MYO7B: variants seen among roughly 807,000 people sequenced by gnomAD.
MYO7B encodes the protein myosin VIIB, also known as unconventional myosin-VIIb.
In MYO7B, 212 loss-of-function variants were observed where a neutral mutation model predicts 259.7. The ratio of observed to expected loss-of-function variants is 0.82; its 90% CI spans 0.73 to 0.91. The LOEUF (loss-of-function observed/expected upper bound fraction) is 0.91, where lower values mean the gene tolerates loss of function less well. MYO7B is among the 40% of genes least tolerant of loss of function. MYO7B has a pLI of 0.00. For synonymous variants in MYO7B, 1,197 were observed against 1,166.4 expected (o/e 1.03, Z -0.54); for missense variants, 2,732 against 2,813.5 (o/e 0.97, Z 0.66).
At chr2:127,562,482 G>GTTTTTTTTTTTTTT (rs56290548) in intron 2 of MYO7B, among the ~76,000 whole-genome samples, 5 of 61,202 alleles carry the variant, frequency 8.2e-5, no homozygotes, top group South Asian at 8.3e-4. Context: ...GGGTTTTATT[G>GTTTTTTTTTTTTTT]TTTTTTTTTT....
chr2:127,600,582 C>T (rs901388344), intron 19 of MYO7B, among the ~76,000 whole-genome samples: 2 of 152,100 alleles, frequency 1.3e-5, no homozygotes, highest in Non-Finnish European at 2.9e-5. Context: ...TGGTGGCAGG[C>T]GCTTGTAATC....
chr2:127,582,796 T>C (rs975634309), intron 12 of MYO7B, among the ~76,000 whole-genome samples: 7 of 152,186 alleles, frequency 4.6e-5, no homozygotes, highest in South Asian at 2.1e-4. Flanking sequence ...TTTTAGGTAG[T>C]GGGGGAAGCT....
intron 1 of MYO7B, among the ~76,000 whole-genome samples, chr2:127,552,050 G>A (rs1394647283): frequency 6.6e-6 from 1 of 152,188 alleles, no homozygotes; most frequent in Admixed American, 6.5e-5. Context: ...GGAAATCACA[G>A]TATTCGCAGG....
At position 127,636,553 on chromosome 2, in the gene MYO7B, G is replaced by A. The variant is rs373594528; in HGVS notation, c.6132G>A (p.Ser2044=). 186 of 1,610,842 alleles carry A rather than the reference G, an allele frequency of 1.2e-4. No homozygotes were observed. In the South Asian group the frequency reaches 1.5e-3, roughly 13 times the overall value. Residue 2044 remains serine, a synonymous_variant, in exon 46 of 48, where the codon TCG becomes TCA. Coordinates refer to ENST00000409816, the MANE Select transcript of MYO7B (RefSeq NM_001393586.1). The surrounding 1 kb of genome is among the most constrained non-coding windows in gnomAD (Gnocchi z 4.5). ...GTGTCCCTCCCTCCCAGCAAACCTC[G>A]GAGCCTTCCTACCCGGACGTCATCC... is the stretch of plus-strand genomic sequence containing the variant. The part of the protein sequence containing the change: ...GSAFFEVKQT[S]EPSYPDVILI...
At chr2:127,570,726 C>T (rs1007466622) in intron 6 of MYO7B, among the ~76,000 whole-genome samples, 3 of 151,946 alleles carry the variant, frequency 2.0e-5, no homozygotes, top group African/African-American at 4.8e-5. Context: ...CCCCCCAGAT[C>T]TTCTCTCACA....
chr2:127,605,180 T>C (rs1233750293), intron 19 of MYO7B, among the ~76,000 whole-genome samples: 4 of 152,240 alleles, frequency 2.6e-5, no homozygotes, highest in African/African-American at 9.6e-5. Context: ...CTTCTCCGTG[T>C]CCAGCCCTGG....
intron 1 of MYO7B, among the ~76,000 whole-genome samples, chr2:127,549,963 A>G (rs1437938132): frequency 6.6e-6 from 1 of 152,202 alleles, no homozygotes; most frequent in Non-Finnish European, 1.5e-5. Context: ...CACATCTGCC[A>G]ATTTTATTCT....
intron 1 of MYO7B, among the ~76,000 whole-genome samples, chr2:127,557,721 C>A (rs576849930): frequency 6.6e-6 from 1 of 152,218 alleles, no homozygotes; most frequent in Admixed American, 6.5e-5. Context: ...TTCAACAAAG[C>A]AAACAAAAAC....
At position 127,584,358 on chromosome 2, in the gene MYO7B, C is replaced by A. The variant is rs1217085317; in HGVS notation, c.1554+26C>A. 1.2e-6 allele frequency: 2 copies of A among 1,608,564 alleles called. No homozygotes were observed. The highest frequency in any genetic ancestry group is 3.3e-5 in the Admixed American group (2 of 59,988). ...GTGTGTGTTCGGGCCTGCCGACCTTCTGGTGGAGGCCCTGCTATGGGTCTC... is the reference window on the plus strand; with the variant it reads ...GTGTGTGTTCGGGCCTGCCGACCTTATGGTGGAGGCCCTGCTATGGGTCTC... On this transcript the variant is annotated intron_variant, in intron 13 of 47. Coordinates refer to ENST00000409816, the MANE Select transcript of MYO7B (RefSeq NM_001393586.1). This position sits in a 1 kb window ranked among gnomAD's most constrained non-coding sequence, Gnocchi z 5.8.
chr2:127,543,569 C>G (rs1273824192), intron 1 of MYO7B, among the ~76,000 whole-genome samples: 1 of 152,098 alleles, frequency 6.6e-6, no homozygotes, highest in African/African-American at 2.4e-5. Flanking sequence ...CCAGACAGGA[C>G]AGAAAGGAGC....
Position 127,636,210 on chromosome 2 carries a change from C to G in MYO7B, c.6009C>G (p.Ser2003Arg), listed in dbSNP as rs768432417. Residue 2003 changes from serine (S) to arginine (R), a missense_variant and splice_region_variant, in exon 45 of 48, where the codon AGC becomes AGG. Transcript: ENST00000409816. This position sits in a 1 kb window ranked among gnomAD's most constrained non-coding sequence, Gnocchi z 4.5. ...TTACTGGCCCTCCTGTCCCCCAGAG[C>G]ATCCTTCTAGCCTATGACAAGCATA... is the stretch of plus-strand genomic sequence containing the variant. Reference protein sequence around the residue: ...RLMSSEEWKKSILLAYDKHKD... With the variant: ...RLMSSEEWKKRILLAYDKHKD... The G allele has an allele frequency of 6.2e-7, 1 of 1,610,782 alleles. No individual in the cohort carries two copies. The highest frequency in any genetic ancestry group is 8.5e-7 in the Non-Finnish European group (1 of 1,177,768).
intron 18 of MYO7B, among the ~76,000 whole-genome samples, chr2:127,595,558 G>A (rs774492212): frequency 1.1e-4 from 16 of 152,148 alleles, no homozygotes; most frequent in Non-Finnish European, 2.2e-4. Context: ...TAGTTGTGAT[G>A]TCAGGGCGTC....
Position 127,628,006 on chromosome 2 carries a change from G to A in MYO7B, c.4461-366G>A, listed in dbSNP as rs1166608817. On this transcript the variant is annotated intron_variant, in intron 33 of 47. Transcript: ENST00000409816. The surrounding 1 kb of genome is among the most constrained non-coding windows in gnomAD (Gnocchi z 4.8). ...TCACCCATTCTGCAGATGAGCGGAT[G>A]AGTAAACTGAAGCACGCCGAGGTTA... 3 of 485,354 alleles carry A rather than the reference G, an allele frequency of 6.2e-6. No individual in the cohort carries two copies. Among genetic ancestry groups the A allele is most frequent in the Non-Finnish European group, 1.2e-5 (3 of 246,398 alleles). 30.1% of individuals were successfully genotyped at this position (485,354 alleles called of 1,614,324 possible).
In MYO7B at chr2:127,607,750, A is replaced by G. The variant is rs1680213536; in HGVS notation, c.2643+326A>G. Among the ~76,000 whole-genome samples, 1 of 152,194 alleles carries G rather than the reference A, an allele frequency of 6.6e-6. No homozygotes were observed. The highest frequency in any genetic ancestry group is 1.5e-5 in the Non-Finnish European group (1 of 68,034). ...CCGTGGCCACCACCCAGGAGCACGCAGGGTATAGCATGGGAGAGGCAGCAG... is the reference window on the plus strand; with the variant it reads ...CCGTGGCCACCACCCAGGAGCACGCGGGGTATAGCATGGGAGAGGCAGCAG... On this transcript the variant is annotated intron_variant, in intron 21 of 47. Transcript: ENST00000409816. This position sits in a 1 kb window ranked among gnomAD's most constrained non-coding sequence, Gnocchi z 4.4.
intron 6 of MYO7B, among the ~76,000 whole-genome samples, chr2:127,573,271 A>G (rs75501623): frequency 1.5e-3 from 232 of 152,374 alleles, no homozygotes; most frequent in Non-Finnish European, 1.2e-3. Context: ...GTCACTCTTC[A>G]TAAGAACTAG....
chr2:127,631,488 C>T (rs1045028228), intron 37 of MYO7B, 112 bp from the exon 38 acceptor site: 62 of 1,519,388 alleles, frequency 4.1e-5, no homozygotes, highest in Middle Eastern at 1.9e-4. Flanking sequence ...CCTGGAGTGG[C>T]GGGACAGAGC....
At chr2:127,573,023 GT>G (rs1336668237) in intron 6 of MYO7B, among the ~76,000 whole-genome samples, 2 of 151,986 alleles carry the variant, frequency 1.3e-5, no homozygotes, top group African/African-American at 4.8e-5. Context: ...GGTTCAATAA[GT>G]TAAACAGGTT....
rs757029530 is a variant in MYO7B, at chr2:127,633,321, C to T, written c.5469C>T (p.Ser1823=). Residue 1823 remains serine (S), a synonymous_variant, in exon 40 of 48, where the codon TCC becomes TCT. Coordinates refer to ENST00000409816, the MANE Select transcript of MYO7B (RefSeq NM_001393586.1). Reference sequence around the variant, plus strand: ...TGGAGGCCGCAGAGCAGAACGTCTCCCGCATCTGCCACAAGATCTACTTCC... The same window carrying T: ...TGGAGGCCGCAGAGCAGAACGTCTCTCGCATCTGCCACAAGATCTACTTCC... The part of the protein sequence containing the change: ...VEVEAAEQNV[S]RICHKIYFPN... 6 of 1,612,896 alleles carry T rather than the reference C, an allele frequency of 3.7e-6. No homozygotes were observed. The highest frequency in any genetic ancestry group is 1.6e-4 in the Middle Eastern group (1 of 6,062).
Position 127,559,653 on chromosome 2 carries a change from T to G in MYO7B, c.-23-47T>G. Reference sequence around the variant, plus strand: ...AGCTCCTGTGCTCCAGGGGCTCCTATTGGGGCTGTGTATGGAGCTGACGTT... The same window carrying G: ...AGCTCCTGTGCTCCAGGGGCTCCTAGTGGGGCTGTGTATGGAGCTGACGTT... On this transcript the variant is annotated intron_variant, in intron 1 of 47. Coordinates refer to ENST00000409816, the MANE Select transcript of MYO7B (RefSeq NM_001393586.1). The surrounding 1 kb of genome is among the most constrained non-coding windows in gnomAD (Gnocchi z 4.1). 1.9e-6 allele frequency: 3 copies of G among 1,579,106 alleles called. No individual in the cohort carries two copies. The highest frequency in any genetic ancestry group is 2.6e-6 in the Non-Finnish European group (3 of 1,148,240).
Sources: gnomAD v4.1 joint callset for allele counts (sites outside exome capture counted in the v4.1 genomes callset) on GRCh38, gnomAD v4.1.1 for gene constraint, Gnocchi (gnomAD v3.1) non-coding constraint, MANE v1.5 for transcripts, NCBI Gene and HGNC (gene_info 2026-07-23, HGNC 2026-07-21) for gene names.